TRPM5: variants seen among roughly 807,000 people sequenced by gnomAD.
TRPM5 encodes transient receptor potential cation channel subfamily M member 5.
TRPM5 carries 121 observed loss-of-function variants against 124.9 expected under a neutral mutation model. The observed-to-expected ratio is 0.97, with a 90% CI of 0.84 to 1.13. The LOEUF (loss-of-function observed/expected upper bound fraction) is 1.13. Ranked by LOEUF, TRPM5 falls within the 50% of genes most tolerant of loss-of-function variation. TRPM5 has a pLI of 0.00. For synonymous variants in TRPM5, 781 were observed against 700.5 expected, an observed-to-expected ratio of 1.11 and a Z score of -1.81; for missense variants, 1,643 against 1,589.1, an observed-to-expected ratio of 1.03 and a Z score of -0.58.
At chr11:2,409,556 TGAG>T (rs2133504623) in intron 18 of TRPM5, among the ~76,000 whole-genome samples, 1 of 152,310 alleles carries the variant, frequency 6.6e-6, no homozygotes, top group Admixed American at 6.5e-5. Context: ...TTCTGGGCTC[TGAG>T]GAGACCTGCA....
chr11:2,444,330 C>A, the TRPM5 span, among the ~76,000 whole-genome samples: 4 of 151,942 alleles, frequency 2.6e-5, no homozygotes, highest in Non-Finnish European at 4.4e-5. Flanking sequence ...AACCCCAACT[C>A]CGGAGTGGCT....
the TRPM5 span, among the ~76,000 whole-genome samples, chr11:2,440,667 C>T: frequency 6.6e-6 from 1 of 152,214 alleles, no homozygotes; most frequent in Non-Finnish European, 1.5e-5. This position sits in a 1 kb window ranked among gnomAD's most constrained non-coding sequence, Gnocchi z 5.2. Context: ...TGTCCCACCA[C>T]TACCTGGTGG....
chr11:2,434,563 G>GTACGCTGTGTATGTGTAGA, the TRPM5 span, among the ~76,000 whole-genome samples: 1 of 149,720 alleles, frequency 6.7e-6, no homozygotes, highest in Non-Finnish European at 1.5e-5. Flanking sequence ...GTATGTGTAG[G>GTACGCTGTGTATGTGTAGA]TACGCTGTGT....
chr11:2,427,234 G>A (rs981297568), upstream of TRPM5, among the ~76,000 whole-genome samples: 54 of 152,218 alleles, frequency 3.5e-4, no homozygotes, highest in African/African-American at 1.3e-3. Context: ...CTCCTCTCAT[G>A]CCCACCTGCC....
intron 22 of TRPM5, 110 bp downstream of exon 27, chr11:2,405,909 C>A (rs1304204363): frequency 2.9e-6 from 3 of 1,048,658 alleles, no homozygotes; most frequent in African/African-American, 3.1e-5. Context: ...TGTCCTGGCT[C>A]TGGCCTGCCT....
At chr11:2,413,035 G>A (rs1362992195) in intron 14 of TRPM5, 23 bp from the exon 20 acceptor site, 1 of 1,589,622 alleles carries the variant, frequency 6.3e-7, no homozygotes, top group Admixed American at 1.8e-5. Flanking sequence ...GAAGTTCGCA[G>A]TGGTGAGGCT....
At chr11:2,405,554 C>G (rs200499739) in exon 23 of TRPM5, 1 of 1,565,608 alleles carries the variant, frequency 6.4e-7, no homozygotes, top group Admixed American at 1.9e-5. Flanking sequence ...TGGGCCAGCA[C>G]GTCAGCCACG....
chr11:2,417,907 G>T (rs990458277), intron 6 of TRPM5, 78 bp from the exon 12 acceptor site: 5 of 1,356,400 alleles, frequency 3.7e-6, no homozygotes, highest in African/African-American at 1.4e-5. Context: ...AGACACCAGC[G>T]TAGGCACAGG....
Position 2,419,090 on chromosome 11 carries a change from C to T in TRPM5, c.650-499G>A, listed in dbSNP as rs866220298. On this transcript the variant is annotated intron_variant, in intron 4 of 23. Coordinates refer to ENST00000155858, the Ensembl canonical transcript of TRPM5. Reference sequence around the variant, plus strand: ...CAGAGAGGCCTGGACCTGCCCCTGTCTTCTGTGAGGGAGTGAACTGCCTGG... The same window carrying T: ...CAGAGAGGCCTGGACCTGCCCCTGTTTTCTGTGAGGGAGTGAACTGCCTGG... Among the ~76,000 whole-genome samples the T allele has an allele frequency of 2.0e-5, 3 of 152,176 alleles. No individual in the cohort carries two copies. The South Asian group carries it at 6.2e-4, about 31-fold the overall frequency.
chr11:2,407,844 C>T, exon 19 of TRPM5: 1 of 1,613,986 alleles, frequency 6.2e-7, no homozygotes, highest in South Asian at 1.1e-5. Flanking sequence ...AGCCAGTTGG[C>T]ATAGAGGCTG....
rs1248286489 is a variant in TRPM5 at position 2,412,263 on chromosome 11, A to G, written c.2356-10T>C. On this transcript the variant is annotated splice_polypyrimidine_tract_variant and intron_variant, in intron 15 of 23. Coordinates refer to ENST00000155858, the Ensembl canonical transcript of TRPM5. ...CGTCTGTGAAGAAGCCCTGGGAGGGAGGTGGGCAGTCCACTGACAGCTGTC... is the reference window on the plus strand; with the variant it reads ...CGTCTGTGAAGAAGCCCTGGGAGGGGGGTGGGCAGTCCACTGACAGCTGTC... The G allele has an allele frequency of 1.2e-6, 2 of 1,605,980 alleles. No individual in the cohort carries two copies. Among genetic ancestry groups the G allele is most frequent in the East Asian group, 4.5e-5 (2 of 44,838 alleles).
the TRPM5 span, among the ~76,000 whole-genome samples, chr11:2,428,472 AGTG>A: frequency 2.0e-5 from 3 of 147,504 alleles, no homozygotes; most frequent in South Asian, 2.2e-4. The surrounding 1 kb of genome is among the most constrained non-coding windows in gnomAD (Gnocchi z 4.0). Flanking sequence ...TGGTGGCAGT[AGTG>A]GTGGTGGTGG....
chr11:2,420,409 C>G lies in TRPM5; in HGVS notation c.466-4G>C. On this transcript the variant is annotated splice_polypyrimidine_tract_variant and splice_region_variant and intron_variant, in intron 3 of 23. Coordinates refer to ENST00000155858, the Ensembl canonical transcript of TRPM5. ...GGTAGTGGACAGGAAAATCCTCCTG[C>G]GCCCATGCAGGGAGACGAGGCTGAG... 1 of 1,604,012 alleles carries G rather than the reference C, an allele frequency of 6.2e-7. No individual in the cohort carries two copies. Among genetic ancestry groups the G allele is most frequent in the African/African-American group, 1.3e-5 (1 of 74,900 alleles).
chr11:2,424,825 C>G (rs915975799), upstream of TRPM5, among the ~76,000 whole-genome samples: 1 of 152,238 alleles, frequency 6.6e-6, no homozygotes, highest in Non-Finnish European at 1.5e-5. Context: ...CCAGGGCCCC[C>G]CTGTGAGGCC....
At chr11:2,406,862 TC>T in intron 20 of TRPM5, 69 bp from the exon 26 acceptor site, 1 of 1,543,960 alleles carries the variant, frequency 6.5e-7, no homozygotes, top group South Asian at 1.2e-5. Flanking sequence ...CCAGGCCTGG[TC>T]CCGGGGCGAG....
In TRPM5 at chr11:2,409,620, G is replaced by A. The variant is rs575775482; in HGVS notation, c.2783-1708C>T. On this transcript the variant is annotated intron_variant, in intron 18 of 23. Transcript: ENST00000155858. Reference sequence around the variant, plus strand: ...CAGTCTCCCTCTCAGCCCAGCATGTGTTAGTGAATAACTCCCTGCCTAGCA... The same window carrying A: ...CAGTCTCCCTCTCAGCCCAGCATGTATTAGTGAATAACTCCCTGCCTAGCA... Among the ~76,000 whole-genome samples the A allele has an allele frequency of 6.2e-4, 94 of 152,338 alleles. 1 individual carries two copies. The highest frequency in any genetic ancestry group is 2.2e-3 in the African/African-American group (90 of 41,576).
At chr11:2,412,826 G>T (rs756209557) in exon 15 of TRPM5, 19 of 1,604,370 alleles carry the variant, frequency 1.2e-5, no homozygotes, top group Non-Finnish European at 1.4e-5. Flanking sequence ...AGGGGCCCTG[G>T]GGGGGCGGCC....
rs748482011 is a variant in TRPM5 at position 2,414,665 on chromosome 11, G to A, written c.1744+50C>T. 131 of 1,479,874 alleles carry A rather than the reference G, an allele frequency of 8.9e-5. 2 individuals carry two copies. Among genetic ancestry groups the A allele is most frequent in the South Asian group, 8.6e-4 (67 of 77,976 alleles). 91.7% of individuals were successfully genotyped at this position (1,479,874 alleles called of 1,614,324 possible). The stretch of plus-strand genomic sequence containing the variant: ...CCAGGACCCTTCGTCCGACCCCTCC[G>A]TCACATCCTCCCCCGCGCGCGGGCC... On this transcript the variant is annotated intron_variant, in intron 11 of 23. Transcript: ENST00000155858.
chr11:2,414,615 C>T lies in TRPM5; in HGVS notation c.1744+100G>A, dbSNP rs550163793. 5.5e-5 allele frequency: 77 copies of T among 1,411,758 alleles called. 2 individuals carry two copies. The South Asian group carries it at 9.6e-4, about 18-fold the overall frequency. 87.5% of individuals were successfully genotyped at this position (1,411,758 alleles called of 1,614,324 possible). A position where few individuals can be genotyped will look rare whatever the true frequency, so the allele number is the denominator to read the frequency against. ...CCTGAGGGCACCTGGAGCCCCACGG[C>T]GGTAACAGGCAGCCCTGGCGAGGCC... On this transcript the variant is annotated intron_variant, in intron 11 of 23. Transcript: ENST00000155858.
Sources: gnomAD v4.1 joint callset for allele counts (sites outside exome capture counted in the v4.1 genomes callset) on GRCh38, gnomAD v4.1.1 for gene constraint, Gnocchi (gnomAD v3.1) non-coding constraint, MANE v1.5 for transcripts, NCBI Gene and HGNC (gene_info 2026-07-23, HGNC 2026-07-21) for gene names.